Variants in WDR49 observed in about 807,000 individuals in gnomAD.
WDR49 encodes cilia- and flagella-associated protein 337.
A neutral mutation model predicts 119.5 loss-of-function variants in WDR49; 107 were observed. The observed-to-expected ratio is 0.90, with a 90% CI of 0.77 to 1.05. WDR49 has a LOEUF of 1.05. Ranked by LOEUF, WDR49 falls within the 50% of genes least tolerant of loss-of-function variation. The pLI is 0.00. For missense variants in WDR49, 1,240 were observed against 1,220.5 expected, an observed-to-expected ratio of 1.02 and a Z score of -0.24; for synonymous variants, 425 against 418.8, an observed-to-expected ratio of 1.01 and a Z score of -0.18.
intron 16 of WDR49, among the ~76,000 whole-genome samples, chr3:167,511,735 C>A (rs1365708914): frequency 6.6e-6 from 1 of 152,172 alleles, no homozygotes; most frequent in East Asian, 1.9e-4. Flanking sequence ...GGGGCAGTCA[C>A]CATCACTGTG....
chr3:167,514,023 C>G (rs1317918755), intron 16 of WDR49, among the ~76,000 whole-genome samples: 1 of 152,188 alleles, frequency 6.6e-6, no homozygotes, highest in Non-Finnish European at 1.5e-5. Flanking sequence ...GAAACTTTAA[C>G]ACCCAACTGT....
At chr3:167,566,233 A>G (rs1713588823) in intron 8 of WDR49, among the ~76,000 whole-genome samples, 1 of 152,188 alleles carries the variant, frequency 6.6e-6, no homozygotes, top group Non-Finnish European at 1.5e-5. Context: ...AATTCTAACT[A>G]TAGGAATTTA....
intron 16 of WDR49, among the ~76,000 whole-genome samples, chr3:167,518,655 T>C (rs1752311677): frequency 6.6e-6 from 1 of 151,236 alleles, no homozygotes; most frequent in African/African-American, 2.4e-5. Flanking sequence ...GATGAGTAGG[T>C]TGCAAAAATT....
chr3:167,569,897 TTTG>T (rs2108278640), intron 8 of WDR49, among the ~76,000 whole-genome samples: 1 of 152,298 alleles, frequency 6.6e-6, no homozygotes, highest in Non-Finnish European at 1.5e-5. Flanking sequence ...CACCTATCTT[TTTG>T]TTGTTTTGAA....
At chr3:167,583,176 C>T (rs1021629534) in intron 7 of WDR49, among the ~76,000 whole-genome samples, 4 of 151,872 alleles carry the variant, frequency 2.6e-5, no homozygotes, top group Non-Finnish European at 4.4e-5. Context: ...GAATTTTTGC[C>T]TTTAAAAATG....
chr3:167,537,791 C>T (rs1711556727), intron 10 of WDR49, among the ~76,000 whole-genome samples: 1 of 152,208 alleles, frequency 6.6e-6, no homozygotes, highest in South Asian at 2.1e-4. Context: ...TACTAAGCCT[C>T]TTGTTCCTTC....
intron 3 of WDR49, among the ~76,000 whole-genome samples, chr3:167,625,895 A>G (rs1182023972): frequency 6.6e-6 from 1 of 151,676 alleles, no homozygotes; most frequent in African/African-American, 2.4e-5. Context: ...TCTTTAACAA[A>G]AACATCAACA....
chr3:167,563,093 G>C (rs1241205016), intron 8 of WDR49, among the ~76,000 whole-genome samples: 1 of 152,088 alleles, frequency 6.6e-6, no homozygotes, highest in African/African-American at 2.4e-5. Flanking sequence ...AGGGCCGGGC[G>C]CGGTGGCTCA....
chr3:167,565,458 G>A (rs1016871388), intron 8 of WDR49, among the ~76,000 whole-genome samples: 13 of 150,788 alleles, frequency 8.6e-5, no homozygotes, highest in African/African-American at 1.9e-4. Flanking sequence ...GTGTGTGTGT[G>A]TATATATATA....
At chr3:167,560,027 C>G (rs1226124339) in intron 9 of WDR49, 37 bp downstream of exon 9, 2 of 1,610,044 alleles carry the variant, frequency 1.2e-6, no homozygotes, top group African/African-American at 2.7e-5. Context: ...TTTTAGTCTC[C>G]TCATATCTGG....
Position 167,560,245 on chromosome 3 carries a change from T to C in WDR49, c.1510-17A>G, listed in dbSNP as rs1355005418. On this transcript the variant is annotated splice_polypyrimidine_tract_variant and intron_variant, in intron 8 of 18. Coordinates refer to ENST00000682715, the MANE Select transcript of WDR49 (RefSeq NM_001366157.1). The stretch of plus-strand genomic sequence containing the variant: ...GCTGATTACCTAAGAGAAAATAACA[T>C]TTTAAAGAAATTAAATATAGTCTCA... The C allele has an allele frequency of 1.9e-6, 3 of 1,604,548 alleles. No individual in the cohort carries two copies. The highest frequency in any genetic ancestry group is 2.6e-6 in the Non-Finnish European group (3 of 1,175,196).
Position 167,587,074 on chromosome 3 carries a change from T to C in WDR49, c.1276-10923A>G, listed in dbSNP as rs753191516. ...CCCTAACCTTATGAATCCTATCATT[T>C]AGTTGATAGTTATACTGTTTCATAT... On this transcript the variant is annotated intron_variant, in intron 7 of 18. Transcript: ENST00000682715. 1.2e-4 allele frequency among the ~76,000 whole-genome samples: 19 copies of C among 152,302 alleles called. No individual in the cohort carries two copies. In the South Asian group the frequency reaches 2.5e-3, roughly 20 times the overall value.
At chr3:167,487,371 A>G (rs1268886733) in intron 18 of WDR49, among the ~76,000 whole-genome samples, 1 of 152,132 alleles carries the variant, frequency 6.6e-6, no homozygotes, top group African/African-American at 2.4e-5. Flanking sequence ...CATATACAAA[A>G]ATTAACTAAG....
At chr3:167,514,540 A>G (rs1397174794) in intron 16 of WDR49, among the ~76,000 whole-genome samples, 1 of 151,888 alleles carries the variant, frequency 6.6e-6, no homozygotes, top group Non-Finnish European at 1.5e-5. Flanking sequence ...ATCACAACTA[A>G]TGAACTAGAG....
intron 2 of WDR49, among the ~76,000 whole-genome samples, chr3:167,636,144 G>T (rs920585148): frequency 1.3e-5 from 2 of 151,398 alleles, no homozygotes; most frequent in African/African-American, 2.4e-5. Flanking sequence ...AGTCCCCAAA[G>T]TTCATTGTAT....
chr3:167,612,282 C>A (rs1025264928), intron 5 of WDR49, among the ~76,000 whole-genome samples: 9 of 151,040 alleles, frequency 6.0e-5, no homozygotes, highest in African/African-American at 2.2e-4. Flanking sequence ...TTACTGGAAA[C>A]AAATGATAAT....
intron 7 of WDR49, among the ~76,000 whole-genome samples, chr3:167,578,916 A>C (rs1056330359): frequency 2.6e-5 from 4 of 152,182 alleles, no homozygotes; most frequent in African/African-American, 7.2e-5. Flanking sequence ...ATTAAGACTA[A>C]AATTTTCCCT....
chr3:167,598,009 A>G (rs1398797221), intron 7 of WDR49, among the ~76,000 whole-genome samples: 1 of 152,020 alleles, frequency 6.6e-6, no homozygotes, highest in Non-Finnish European at 1.5e-5. Context: ...TTGTGTTTTG[A>G]AATGTGAGAA....
At chr3:167,526,288 A>G (rs1256324183) in intron 15 of WDR49, among the ~76,000 whole-genome samples, 1 of 152,190 alleles carries the variant, frequency 6.6e-6, no homozygotes, top group Admixed American at 6.6e-5. Context: ...AAATTTAGCT[A>G]CAGATTATGT....
Sources: allele counts gnomAD v4.1 joint callset (sites outside exome capture counted in the v4.1 genomes callset), GRCh38; gene constraint gnomAD v4.1.1; transcripts MANE v1.5; gene names NCBI Gene and HGNC (gene_info 2026-07-23, HGNC 2026-07-21).